ATG7: variants seen among roughly 807,000 people sequenced by gnomAD.
ATG7 encodes autophagy related 7.
ATG7 carries 70 observed loss-of-function variants against 82.4 expected under a neutral mutation model. The observed-to-expected ratio is 0.85, with a 90% confidence interval of 0.70 to 1.04. The LOEUF is 1.04. ATG7 is among the 50% of genes least tolerant of loss of function. The pLI is 0.00. For synonymous variants in ATG7, 287 were observed against 313.0 expected (o/e 0.92, Z 0.88); for missense variants, 792 against 864.3 (o/e 0.92, Z 1.05).
At chr3:11,382,237 C>A (rs1438840372) in intron 19 of ATG7, among the ~76,000 whole-genome samples, 1 of 152,162 alleles carries the variant, frequency 6.6e-6, no homozygotes, top group Non-Finnish European at 1.5e-5. Context: ...TGTTCATTAT[C>A]TTATTTATTA....
At chr3:11,289,515 C>T (rs1398968958) in intron 3 of ATG7, among the ~76,000 whole-genome samples, 1 of 152,218 alleles carries the variant, frequency 6.6e-6, no homozygotes, top group East Asian at 1.9e-4. Context: ...CAACTATATC[C>T]TCTTATGAAA....
chr3:11,562,573 C>T (rs1029893612), downstream of ATG7, among the ~76,000 whole-genome samples: 1 of 152,248 alleles, frequency 6.6e-6, no homozygotes, highest in African/African-American at 2.4e-5. Context: ...GCTGCTGGAG[C>T]ACAGGCAACG....
chr3:11,576,112 C>T, the ATG7 span, among the ~76,000 whole-genome samples: 6 of 152,116 alleles, frequency 3.9e-5, no homozygotes, highest in African/African-American at 7.2e-5. Context: ...AGAACATGAC[C>T]GGTAAAGCAT....
At chr3:11,545,436 C>G (rs955646051) in intron 20 of ATG7, among the ~76,000 whole-genome samples, 1 of 152,218 alleles carries the variant, frequency 6.6e-6, no homozygotes, top group Non-Finnish European at 1.5e-5. Flanking sequence ...GACCCTGGAG[C>G]GAGCCCTGCC....
At chr3:11,391,679 T>C (rs1192468812) in intron 19 of ATG7, among the ~76,000 whole-genome samples, 2 of 152,228 alleles carry the variant, frequency 1.3e-5, no homozygotes, top group Non-Finnish European at 2.9e-5. Context: ...CAGTGCAACA[T>C]GGGCAGGGAG....
intron 9 of ATG7, among the ~76,000 whole-genome samples, chr3:11,323,954 T>C (rs1950532273): frequency 6.6e-6 from 1 of 152,358 alleles, no homozygotes; most frequent in Middle Eastern, 3.4e-3. Flanking sequence ...GAAAATGTTC[T>C]TGCTGAAGAC....
chr3:11,418,591 G>A (rs2081634099), intron 19 of ATG7, among the ~76,000 whole-genome samples: 1 of 152,170 alleles, frequency 6.6e-6, no homozygotes, highest in African/African-American at 2.4e-5. Flanking sequence ...TCCACACCTA[G>A]CAATTTTTGT....
chr3:11,347,677 A>T (rs970130601), intron 13 of ATG7, among the ~76,000 whole-genome samples, 200 bp from the exon 14 acceptor site: 9 of 152,218 alleles, frequency 5.9e-5, no homozygotes, highest in African/African-American at 2.2e-4. Context: ...CCAGGCACTG[A>T]GTATATAATT....
chr3:11,542,220 G>T (rs2070889238), intron 20 of ATG7, among the ~76,000 whole-genome samples: 1 of 152,254 alleles, frequency 6.6e-6, no homozygotes, highest in African/African-American at 2.4e-5. Context: ...CCAGTGCTTG[G>T]ACAAGCCCTT....
chr3:11,360,373 T>C (rs1360426321), intron 15 of ATG7, among the ~76,000 whole-genome samples: 1 of 152,234 alleles, frequency 6.6e-6, no homozygotes, highest in Admixed American at 6.5e-5. Flanking sequence ...TGAAATTAAA[T>C]GAGATAATTT....
chr3:11,470,301 C>G (rs1007054795), intron 20 of ATG7, among the ~76,000 whole-genome samples: 2 of 152,192 alleles, frequency 1.3e-5, no homozygotes, highest in African/African-American at 4.8e-5. Context: ...GTGGCATAGC[C>G]TGCTACATAC....
chr3:11,278,307 A>C (rs1001991432), intron 1 of ATG7, among the ~76,000 whole-genome samples: 4 of 152,232 alleles, frequency 2.6e-5, no homozygotes, highest in African/African-American at 9.6e-5. Context: ...TTAAAATGAA[A>C]TCTTCACAAT....
chr3:11,386,510 A>C (rs1011769441), intron 19 of ATG7, among the ~76,000 whole-genome samples: 3 of 152,198 alleles, frequency 2.0e-5, no homozygotes, highest in Non-Finnish European at 4.4e-5. Flanking sequence ...TTTAAATCTC[A>C]ATCATTTACA....
intron 20 of ATG7, among the ~76,000 whole-genome samples, chr3:11,429,353 G>A (rs1199039819): frequency 6.6e-6 from 1 of 151,850 alleles, no homozygotes; most frequent in Admixed American, 6.6e-5. Context: ...AAAATTAGTC[G>A]GGCATGGTGG....
At chr3:11,359,600 G>T (rs2076157943) in intron 15 of ATG7, among the ~76,000 whole-genome samples, 1 of 152,018 alleles carries the variant, frequency 6.6e-6, no homozygotes, top group South Asian at 2.1e-4. Context: ...GGAGGGTGAG[G>T]CAGGAAGATC....
At chr3:11,413,765 T>C (rs1438737609) in intron 19 of ATG7, among the ~76,000 whole-genome samples, 3 of 152,230 alleles carry the variant, frequency 2.0e-5, no homozygotes, top group African/African-American at 7.2e-5. Context: ...TAGGAAGTGT[T>C]CCATCTTTAA....
chr3:11,412,960 A>C (rs1236366914), intron 19 of ATG7, among the ~76,000 whole-genome samples: 2 of 152,106 alleles, frequency 1.3e-5, no homozygotes, highest in Non-Finnish European at 2.9e-5. Flanking sequence ...TGCTATTGTA[A>C]ATAAACTTAT....
intron 20 of ATG7, among the ~76,000 whole-genome samples, chr3:11,546,724 C>A (rs1248847142): frequency 6.6e-6 from 1 of 152,194 alleles, no homozygotes; most frequent in Non-Finnish European, 1.5e-5. Context: ...CAGGCTGAGC[C>A]TTCTCCCTCA....
chr3:11,467,898 A>T (rs2087001615), intron 20 of ATG7, among the ~76,000 whole-genome samples: 1 of 152,210 alleles, frequency 6.6e-6, no homozygotes, highest in Non-Finnish European at 1.5e-5. Context: ...TTTTGCCAAA[A>T]TAATACAGAA....
Sources: gnomAD v4.1 joint callset for allele counts (sites outside exome capture counted in the v4.1 genomes callset) on GRCh38, gnomAD v4.1.1 for gene constraint, MANE v1.5 for transcripts, NCBI Gene and HGNC (gene_info 2026-07-23, HGNC 2026-07-21) for gene names.